UFL1: variants seen among roughly 807,000 people sequenced by gnomAD.
UFL1 encodes the protein E3 UFM1-protein ligase 1.
A neutral mutation model predicts 99.3 loss-of-function variants in UFL1; 78 were observed. That is an observed-to-expected ratio of 0.79 (90% CI 0.65 to 0.95). The LOEUF is 0.95. Ranked by LOEUF, UFL1 falls within the 40% of genes least tolerant of loss-of-function variation. The probability of loss-of-function intolerance (pLI) is 0.00; values close to 1 mark genes in which losing one functional copy is unlikely to be tolerated. For synonymous variants in UFL1, 335 were observed against 322.2 expected, an observed-to-expected ratio of 1.04 and a Z score of -0.42; for missense variants, 936 against 937.0, an observed-to-expected ratio of 1.00 and a Z score of 0.01.
chr6:96,553,150 T>C, intron 18 of UFL1, 135 bp from the exon 19 acceptor site: 1 of 712,426 alleles, frequency 1.4e-6, no homozygotes, highest in Non-Finnish European at 2.3e-6. Flanking sequence ...AACTGCTAGA[T>C]TAGACTTGCT....
chr6:96,540,442 CA>C, intron 10 of UFL1, 92 bp from the exon 11 acceptor site: 2 of 1,435,288 alleles, frequency 1.4e-6, no homozygotes, highest in Non-Finnish European at 1.9e-6. Flanking sequence ...GCAACAAAAC[CA>C]AACAAGAATA....
In UFL1 at chr6:96,538,795, C is replaced by A; in HGVS notation, c.1143C>A (p.His381Gln). Residue 381 changes from histidine to glutamine, a missense_variant, in exon 10 of 19, where the codon CAC becomes CAA. His to Gln is a conservative substitution (Grantham distance 24, BLOSUM62 0). Transcript: ENST00000369278. ...CAGAACTGTTCCGTGAGCTGATGCACCAGAAAGCTGAAAAGGTATTCCAGA... is the reference window on the plus strand; with the variant it reads ...CAGAACTGTTCCGTGAGCTGATGCAACAGAAAGCTGAAAAGGTATTCCAGA... ...DCTELFRELM[H>Q]QKAEKEMKNN... is the part of the protein sequence containing the mutation. 1 of 1,601,072 alleles carries A rather than the reference C, an allele frequency of 6.2e-7. No homozygotes were observed. The highest frequency in any genetic ancestry group is 8.5e-7 in the Non-Finnish European group (1 of 1,172,506).
At position 96,540,770 on chromosome 6, in the gene UFL1, A is replaced by G. The variant is rs541756728; in HGVS notation, c.1279+115A>G. On this transcript the variant is annotated intron_variant, in intron 11 of 18. Coordinates refer to ENST00000369278, the MANE Select transcript of UFL1 (RefSeq NM_015323.5). ...CCCTTTGTTTTATTGATTTACCTTT[A>G]AACAGCTAATATCAACCAAATATTT... 8.6e-4 allele frequency: 1,095 copies of G among 1,278,682 alleles called. 1 individual carries two copies. The highest frequency in any genetic ancestry group is 1.1e-3 in the Non-Finnish European group (1,045 of 949,450). 79.2% of individuals were successfully genotyped at this position (1,278,682 alleles called of 1,614,324 possible).
intron 1 of UFL1, among the ~76,000 whole-genome samples, chr6:96,522,157 C>A (rs992043533): frequency 2.0e-5 from 3 of 151,982 alleles, no homozygotes; most frequent in Non-Finnish European, 4.4e-5. Flanking sequence ...CGCCCTGGAG[C>A]CCCCCAGCCC....
At chr6:96,545,882 A>G (rs921483993) in intron 12 of UFL1, among the ~76,000 whole-genome samples, 8 of 151,336 alleles carry the variant, frequency 5.3e-5, no homozygotes, top group African/African-American at 1.9e-4. Context: ...CAAAATAATA[A>G]GAGCTACTTA....
intron 4 of UFL1, among the ~76,000 whole-genome samples, chr6:96,525,876 C>T (rs1248500812): frequency 1.3e-5 from 2 of 151,794 alleles, no homozygotes; most frequent in African/African-American, 4.8e-5. Flanking sequence ...AAAATCCCAG[C>T]ATGCCAGCCT....
chr6:96,548,240 C>G lies in UFL1; in HGVS notation c.1479C>G (p.Ala493=), dbSNP rs1170749289. The G allele has an allele frequency of 1.2e-6, 2 of 1,604,628 alleles. No homozygotes were observed. Among genetic ancestry groups the G allele is most frequent in the Non-Finnish European group, 1.7e-6 (2 of 1,176,062 alleles). Residue 493 remains alanine, a synonymous_variant, in exon 13 of 19, where the codon GCC becomes GCG. Transcript: ENST00000369278. ...TTTTAAGAAAACACATACAAGATGC[C>G]CCTGAGGAGTTTATTTCGGAACTTG... ...EDFLRKHIQD[A]PEEFISELAE...
chr6:96,526,482 T>G (rs199639976), intron 5 of UFL1, 47 bp downstream of exon 5: 8 of 1,486,818 alleles, frequency 5.4e-6, no homozygotes, highest in Middle Eastern at 1.7e-4. Flanking sequence ...CCAAAGGATT[T>G]TAAACGAAGA....
chr6:96,547,720 C>T (rs1162265811), intron 12 of UFL1, among the ~76,000 whole-genome samples: 1 of 150,952 alleles, frequency 6.6e-6, no homozygotes, highest in Non-Finnish European at 1.5e-5. Flanking sequence ...AGAAACAAAA[C>T]AAAATACCAC....
chr6:96,551,283 A>G (rs1770075957), intron 15 of UFL1, 150 bp from the exon 16 acceptor site: 1 of 521,908 alleles, frequency 1.9e-6, no homozygotes, highest in Non-Finnish European at 3.4e-6. Flanking sequence ...TATTGACTCT[A>G]ATAATGTTTT....
chr6:96,538,748 G>GA lies in UFL1; in HGVS notation c.1101dup (p.Phe368IlefsTer4). ...CTTTAGCGACACTGTTGTAGTCAGT[G>GA]AAAAATTTATAAATGACTGTACAGA... On this transcript the variant is annotated frameshift_variant, in exon 10 of 19. Coordinates refer to ENST00000369278, the MANE Select transcript of UFL1 (RefSeq NM_015323.5). LOFTEE classifies it high-confidence loss of function. 6.2e-7 allele frequency: 1 copy of GA among 1,611,324 alleles called. No individual in the cohort carries two copies. Among genetic ancestry groups the GA allele is most frequent in the Non-Finnish European group, 8.5e-7 (1 of 1,178,242 alleles).
intron 16 of UFL1, 58 bp downstream of exon 16, chr6:96,551,571 T>G: frequency 8.4e-7 from 1 of 1,191,324 alleles, no homozygotes; most frequent in Non-Finnish European, 1.2e-6. Flanking sequence ...ACAAAGATCT[T>G]TGAGTAGATT....
intron 2 of UFL1, among the ~76,000 whole-genome samples, chr6:96,524,147 A>G (rs1022366036): frequency 2.0e-5 from 3 of 151,902 alleles, no homozygotes; most frequent in African/African-American, 7.3e-5. Flanking sequence ...GTTGGTGCTC[A>G]TAATTGGCCT....
intron 7 of UFL1, 40 bp downstream of exon 7, chr6:96,534,361 G>T: frequency 7.3e-7 from 1 of 1,368,612 alleles, no homozygotes. Context: ...ATTAGCTGCT[G>T]AATAGACTAT....
Position 96,540,622 on chromosome 6 carries a change from G to A in UFL1, c.1246G>A (p.Asp416Asn), listed in dbSNP as rs1562254566. ...AGAAAGCGTTAGTACAAGTAAAAAG[G>A]ATAAAAAAGATGAGCGAAGAAGGAA... The part of the protein sequence containing the change: ...TLESVSTSKK[D>N]KKDERRRKAT... The change falls in exon 11 of 19, where the codon GAT (aspartate) becomes AAT (asparagine). Residue 416 changes from aspartate to asparagine, a missense_variant. By Grantham distance (23) the Asp-to-Asn change is conservative (BLOSUM62 1). Coordinates refer to ENST00000369278, the MANE Select transcript of UFL1 (RefSeq NM_015323.5). 6.2e-7 allele frequency: 1 copy of A among 1,601,386 alleles called. No individual in the cohort carries two copies. Among genetic ancestry groups the A allele is most frequent in the Admixed American group, 1.7e-5 (1 of 57,720 alleles).
chr6:96,551,479 C>T lies in UFL1; in HGVS notation c.1865C>T (p.Ala622Val). 1 of 1,536,606 alleles carries T rather than the reference C, an allele frequency of 6.5e-7. No homozygotes were observed. The highest frequency in any genetic ancestry group is 8.8e-7 in the Non-Finnish European group (1 of 1,139,632). ...AAATTATCAGAAGAAACCAAAGTAG[C>T]TCTTACAAAACTCCATAACTCTCTG... ...LSKLSEETKV[A>V]LTKLHNSLNE... Residue 622 changes from alanine (A) to valine (V), a missense_variant, in exon 16 of 19, where the codon GCT becomes GTT. Ala to Val is a moderately conservative substitution (Grantham distance 64, BLOSUM62 0). Transcript: ENST00000369278.
At chr6:96,532,292 G>A (rs1343273763) in intron 6 of UFL1, among the ~76,000 whole-genome samples, 3 of 152,172 alleles carry the variant, frequency 2.0e-5, no homozygotes, top group East Asian at 1.9e-4. Flanking sequence ...ATGTGTTTGC[G>A]TAGAAGGGAA....
intron 17 of UFL1, 71 bp from the exon 18 acceptor site, chr6:96,552,411 G>T: frequency 7.0e-7 from 1 of 1,436,278 alleles, no homozygotes. Context: ...TTAACAGAAA[G>T]GGATGAATTG....
At chr6:96,522,019 C>T in intron 1 of UFL1, 69 bp downstream of exon 1, 2 of 1,514,956 alleles carry the variant, frequency 1.3e-6, no homozygotes, top group African/African-American at 1.4e-5. Context: ...GTATCTGGGA[C>T]TTTAGACCCG....
Sources: allele counts gnomAD v4.1 joint callset (sites outside exome capture counted in the v4.1 genomes callset), GRCh38; gene constraint gnomAD v4.1.1; transcripts MANE v1.5; gene names NCBI Gene and HGNC (gene_info 2026-07-23, HGNC 2026-07-21).